DIAPH2: variants seen among roughly 807,000 people sequenced by gnomAD.
The protein encoded by DIAPH2 is diaphanous related formin 2.
DIAPH2 carries 35 observed loss-of-function variants against 92.7 expected under a neutral mutation model. The observed-to-expected ratio is 0.38, with a 90% CI of 0.29 to 0.50. DIAPH2 has a LOEUF of 0.50. Among genes scored for constraint, DIAPH2 ranks in the 20% least tolerant of loss-of-function variants. The pLI is 0.94. For synonymous variants in DIAPH2, 301 were observed against 280.4 expected, an observed-to-expected ratio of 1.07 and a Z score of -0.73; for missense variants, 701 against 819.5, an observed-to-expected ratio of 0.86 and a Z score of 1.77.
At chrX:96,767,618 A>T (rs5949458) in intron 4 of DIAPH2, among the ~76,000 whole-genome samples, 6,383 of 111,605 alleles carry the variant, frequency 0.057, 207 homozygotes, top group Middle Eastern at 0.17. Context: ...GTAAAATGAG[A>T]TAAGACTGAG....
chrX:97,343,996 G>A (rs1449336195), intron 23 of DIAPH2, among the ~76,000 whole-genome samples: 1 of 111,485 alleles, frequency 9.0e-6, no homozygotes, highest in Non-Finnish European at 1.9e-5. Context: ...TCTAAAATTT[G>A]AATGGTAATA....
At chrX:97,384,868 AAAAT>A (rs545581528) in intron 25 of DIAPH2, among the ~76,000 whole-genome samples, 68 of 107,830 alleles carry the variant, frequency 6.3e-4, no homozygotes, top group East Asian at 5.2e-3. Context: ...TGTATCTCAA[AAAAT>A]AAATAAATAA....
intron 22 of DIAPH2, among the ~76,000 whole-genome samples, chrX:97,211,641 G>A (rs2067841328): frequency 9.0e-6 from 1 of 111,507 alleles, no homozygotes; most frequent in South Asian, 3.8e-4. Flanking sequence ...CTGCCATGTT[G>A]CCACACTGCA....
chrX:96,774,511 G>A (rs1298547096), intron 4 of DIAPH2, among the ~76,000 whole-genome samples: 4 of 111,743 alleles, frequency 3.6e-5, no homozygotes. Flanking sequence ...TGCCGATATG[G>A]TCTTTGTGGC....
Position 97,446,022 on chromosome X carries a change from G to C in DIAPH2, c.3241+16277G>C, listed in dbSNP as rs112319173. On this transcript the variant is annotated intron_variant, in intron 26 of 26. Coordinates refer to ENST00000324765, the MANE Select transcript of DIAPH2 (RefSeq NM_006729.5). The stretch of plus-strand genomic sequence containing the variant: ...GGTGGGGGAAGAAGCGTTTAAAAGG[G>C]ATAGATAAAAATTCCTGGATGAAAT... Among the ~76,000 whole-genome samples, 884 of 110,650 alleles carry C rather than the reference G, an allele frequency of 8.0e-3. 15 individuals are homozygous for C. The highest frequency in any genetic ancestry group is 0.027 in the African/African-American group (833 of 30,433).
chrX:96,855,836 G>A (rs938725574), intron 4 of DIAPH2, among the ~76,000 whole-genome samples: 8 of 110,874 alleles, frequency 7.2e-5, no homozygotes, highest in African/African-American at 2.3e-4. Context: ...TGGATATTCC[G>A]AACTAACAAT....
chrX:97,223,461 A>C (rs962556204), intron 22 of DIAPH2, among the ~76,000 whole-genome samples: 4 of 111,487 alleles, frequency 3.6e-5, no homozygotes, highest in African/African-American at 1.3e-4. Context: ...AAAATGGTAG[A>C]TCATTCTATA....
At chrX:97,129,542 T>C (rs942404150) in intron 21 of DIAPH2, among the ~76,000 whole-genome samples, 4 of 111,523 alleles carry the variant, frequency 3.6e-5, no homozygotes, top group African/African-American at 1.3e-4. Flanking sequence ...TATGAATATA[T>C]ATGAAAAGAT....
At chrX:97,567,473 A>G (rs1189578455) in intron 26 of DIAPH2, among the ~76,000 whole-genome samples, 1 of 112,195 alleles carries the variant, frequency 8.9e-6, no homozygotes, top group African/African-American at 3.2e-5. Flanking sequence ...TAAGATTCAG[A>G]TTTATATGCA....
intron 26 of DIAPH2, among the ~76,000 whole-genome samples, chrX:97,593,285 G>GA (rs1366021845): frequency 9.0e-6 from 1 of 111,077 alleles, no homozygotes; most frequent in Non-Finnish European, 1.9e-5. Context: ...CAATGGAACA[G>GA]AAACCCGAGT....
intron 17 of DIAPH2, among the ~76,000 whole-genome samples, chrX:97,041,570 G>A (rs1378874514): frequency 9.0e-6 from 1 of 111,478 alleles, no homozygotes; most frequent in Non-Finnish European, 1.9e-5. Flanking sequence ...CTGGGACAGT[G>A]TAAGCCAATG....
chrX:97,468,624 C>T (rs1272726701), intron 26 of DIAPH2, among the ~76,000 whole-genome samples: 1 of 69,625 alleles, frequency 1.4e-5, no homozygotes, highest in Non-Finnish European at 2.7e-5. Flanking sequence ...GAAGAATATT[C>T]GAAAGGTCTT....
At chrX:96,929,407 G>T (rs940146692) in intron 9 of DIAPH2, among the ~76,000 whole-genome samples, 1 of 111,070 alleles carries the variant, frequency 9.0e-6, no homozygotes, top group African/African-American at 3.3e-5. Context: ...ATAGAAATTA[G>T]ACTATATTGT....
At chrX:97,364,302 G>A (rs755297766) in intron 24 of DIAPH2, among the ~76,000 whole-genome samples, 4 of 111,547 alleles carry the variant, frequency 3.6e-5, no homozygotes, top group East Asian at 2.8e-4. Flanking sequence ...CCTCCCCTTC[G>A]ACATGGATCA....
chrX:96,807,558 G>A (rs1214068606), intron 4 of DIAPH2, among the ~76,000 whole-genome samples: 3 of 110,738 alleles, frequency 2.7e-5, no homozygotes, highest in African/African-American at 6.6e-5. Context: ...CTTAATTTTC[G>A]TTTTCCTAAA....
In DIAPH2 at chrX:97,287,305, GA is replaced by G. The variant is rs1228810335; in HGVS notation, c.2844+39479del. Among the ~76,000 whole-genome samples, 100 of 101,143 alleles carry G rather than the reference GA, an allele frequency of 9.9e-4. 1 individual carries two copies. Among genetic ancestry groups the G allele is most frequent in the Middle Eastern group, 0.01 (2 of 196 alleles). The allele number at this position is 101,143 out of a possible 115,157, so 87.8% of individuals were successfully genotyped here. A position where few individuals can be genotyped will look rare whatever the true frequency, so the allele number is the denominator to read the frequency against. On this transcript the variant is annotated intron_variant, in intron 23 of 26. Transcript: ENST00000324765. The stretch of plus-strand genomic sequence containing the variant: ...GGGCAACAGAGTGAAACTCCGTCGG[GA>G]AAAAAAAAAAAATTTGTTTTGGGGA...
chrX:96,748,280 A>G (rs1024985678), intron 3 of DIAPH2, among the ~76,000 whole-genome samples: 2 of 112,054 alleles, frequency 1.8e-5, no homozygotes, highest in African/African-American at 6.5e-5. Context: ...AGGATGCTAC[A>G]TGTTGGAAGT....
At chrX:97,164,374 C>A (rs2067396540) in intron 22 of DIAPH2, among the ~76,000 whole-genome samples, 1 of 111,586 alleles carries the variant, frequency 9.0e-6, no homozygotes, top group Non-Finnish European at 1.9e-5. Context: ...TTACTTCCTG[C>A]AAAGAAATTA....
intron 26 of DIAPH2, among the ~76,000 whole-genome samples, chrX:97,486,460 A>G (rs1372010205): frequency 8.9e-6 from 1 of 112,065 alleles, no homozygotes; most frequent in Non-Finnish European, 1.9e-5. Context: ...CTAGGGTTTT[A>G]TCTGTTACCA....
Sources: allele counts gnomAD v4.1 joint callset (sites outside exome capture counted in the v4.1 genomes callset), GRCh38; gene constraint gnomAD v4.1.1; transcripts MANE v1.5; gene names NCBI Gene and HGNC (gene_info 2026-07-23, HGNC 2026-07-21).